The following SS18L1 variants were observed in gnomAD, a reference collection of about 807,000 sequenced individuals.
SS18L1 encodes the protein SS18L1 subunit of BAF chromatin remodeling complex.
SS18L1 carries 32 observed loss-of-function variants against 70.3 expected under a neutral mutation model. The ratio of observed to expected loss-of-function variants is 0.46; its 90% CI spans 0.34 to 0.61. The LOEUF is 0.61. SS18L1 is among the 20% of genes least tolerant of loss of function. The pLI is 0.01. For synonymous variants in SS18L1, 237 were observed against 229.7 expected, an observed-to-expected ratio of 1.03 and a Z score of -0.29; for missense variants, 430 against 542.1, an observed-to-expected ratio of 0.79 and a Z score of 2.05.
In SS18L1 at chr20:62,158,697, T is replaced by A; in HGVS notation, c.95T>A (p.Ile32Asn). 2.5e-6 allele frequency: 4 copies of A among 1,612,772 alleles called. No individual in the cohort carries two copies. The highest frequency in any genetic ancestry group is 3.4e-6 in the Non-Finnish European group (4 of 1,180,016). ...QKMLDENHHL[I>N]QCILEYQSKG... The stretch of plus-strand genomic sequence containing the variant: ...ATGCTGGACGAGAACCACCACCTGA[T>A]CCAGTGCATCCTGGAGTACCAGAGC... The change falls in exon 2 of 11, where the codon ATC becomes AAC. Residue 32 changes from isoleucine (I) to asparagine (N), a missense_variant. Physicochemically the swap from Ile to Asn is moderately radical, Grantham distance 149. Coordinates refer to ENST00000331758, the MANE Select transcript of SS18L1 (RefSeq NM_198935.3). This position sits in a 1 kb window ranked among gnomAD's most constrained non-coding sequence, Gnocchi z 4.5.
intron 1 of SS18L1, among the ~76,000 whole-genome samples, chr20:62,146,474 C>T (rs2057027771): frequency 6.6e-6 from 1 of 152,168 alleles, no homozygotes; most frequent in African/African-American, 2.4e-5. Flanking sequence ...TCTATTCCCT[C>T]ACAGTTCTGG....
rs2057726763 is a variant in SS18L1 at position 62,182,370 on chromosome 20, G to A, written c.*3162G>A. Reference sequence around the variant, plus strand: ...GTCAAATTTGTCTTGTTATTTGTGAGTACAGTACATTTAAAAAACATCCTT... The same window carrying A: ...GTCAAATTTGTCTTGTTATTTGTGAATACAGTACATTTAAAAAACATCCTT... On this transcript the variant is annotated 3_prime_UTR_variant, in exon 11 of 11. Transcript: ENST00000331758. 1 of 205,554 alleles carries A rather than the reference G, an allele frequency of 4.9e-6. No individual in the cohort carries two copies. 12.7% of individuals were successfully genotyped at this position (205,554 alleles called of 1,614,324 possible). A position where few individuals can be genotyped will look rare whatever the true frequency, so the allele number is the denominator to read the frequency against.
intron 7 of SS18L1, 74 bp from the exon 8 acceptor site, chr20:62,165,348 G>C (rs934250696): frequency 4.9e-6 from 7 of 1,424,970 alleles, no homozygotes; most frequent in Non-Finnish European, 5.8e-6. Flanking sequence ...CCCCAGCCTG[G>C]GTCTCAGTTG....
At chr20:62,152,392 A>C (rs1006161303) in intron 1 of SS18L1, among the ~76,000 whole-genome samples, 1 of 152,146 alleles carries the variant, frequency 6.6e-6, no homozygotes, top group African/African-American at 2.4e-5. Context: ...CTCCAGATGG[A>C]GTTGCCACCT....
intron 10 of SS18L1, among the ~76,000 whole-genome samples, chr20:62,178,233 A>G (rs961280680): frequency 2.5e-4 from 30 of 121,876 alleles, no homozygotes; most frequent in Non-Finnish European, 1.7e-5. Context: ...TGCAACCTCC[A>G]CCTCTCAGGC....
chr20:62,175,250 G>A (rs1183798581), intron 10 of SS18L1: 5 of 985,304 alleles, frequency 5.1e-6, no homozygotes, highest in African/African-American at 1.7e-5. Flanking sequence ...CAGCTTGGAA[G>A]ATGGAAGAGC....
At chr20:62,164,320 A>G in intron 7 of SS18L1, 74 bp downstream of exon 7, 2 of 1,213,740 alleles carry the variant, frequency 1.6e-6, no homozygotes, top group African/African-American at 1.5e-5. Context: ...CAAGGAGGGC[A>G]AGGAGGGTGT....
At chr20:62,163,388 G>C in intron 5 of SS18L1, 70 bp from the exon 6 acceptor site, 4 of 1,600,884 alleles carry the variant, frequency 2.5e-6, no homozygotes, top group Non-Finnish European at 3.4e-6. Context: ...GGGCGCAGGA[G>C]GTAGTTGGGT....
Position 62,172,691 on chromosome 20 carries a change from A to G in SS18L1, c.926A>G (p.Gln309Arg). The G allele has an allele frequency of 6.2e-7, 1 of 1,614,146 alleles. No homozygotes were observed. Among genetic ancestry groups the G allele is most frequent in the Non-Finnish European group, 8.5e-7 (1 of 1,180,024 alleles). The change falls in exon 9 of 11, where the codon CAG (glutamine) becomes CGG (arginine). Residue 309 changes from glutamine to arginine, a missense_variant. Gln to Arg is a conservative substitution (Grantham distance 43). Coordinates refer to ENST00000331758, the MANE Select transcript of SS18L1 (RefSeq NM_198935.3). ...CTCCTCCTCCCTCCAGGAAACTCCCAGTACAGCCAGCAGCAGGCCGGGTAC... is the reference window on the plus strand; with the variant it reads ...CTCCTCCTCCCTCCAGGAAACTCCCGGTACAGCCAGCAGCAGGCCGGGTAC... ...TQHYYEGGNS[Q>R]YSQQQAGYQQ...
At position 62,158,954 on chromosome 20, in the gene SS18L1, C is replaced by T. The variant is rs2057275137; in HGVS notation, c.146+206C>T. On this transcript the variant is annotated intron_variant, in intron 2 of 10. Transcript: ENST00000331758. This position sits in a 1 kb window ranked among gnomAD's most constrained non-coding sequence, Gnocchi z 4.5. The stretch of plus-strand genomic sequence containing the variant: ...CCCCCAGCACGGAGGTCAGATATGT[C>T]CCGAGAGTCCCCCAGCACGGAGGCC... 6.4e-7 allele frequency: 1 copy of T among 1,565,966 alleles called. No individual in the cohort carries two copies.
chr20:62,146,085 T>TAA lies in SS18L1; in HGVS notation c.69+2197_69+2198insAA, dbSNP rs1360287056. Among the ~76,000 whole-genome samples, 3 of 152,282 alleles carry TAA rather than the reference T, an allele frequency of 2.0e-5. No homozygotes were observed. The East Asian group carries it at 5.8e-4, about 29-fold the overall frequency. On this transcript the variant is annotated intron_variant, in intron 1 of 10. Coordinates refer to ENST00000331758, the MANE Select transcript of SS18L1 (RefSeq NM_198935.3). ...GAGAAGGAGGTCTACAACTTGTCCT[T>TAA]ACAGCATTCTGCTTGGTAGTGAAGG...
chr20:62,166,027 G>A (rs1213180797), intron 8 of SS18L1, among the ~76,000 whole-genome samples: 1 of 152,216 alleles, frequency 6.6e-6, no homozygotes, highest in Non-Finnish European at 1.5e-5. Flanking sequence ...GTCCTGGGCA[G>A]TGCTGCGCTG....
rs1359664254 is a variant in SS18L1 at position 62,144,123 on chromosome 20, G to T, written c.69+234G>T. ...GAGAGCCTGCGCCAACTTTGTTGGGGCGCGCGGGTCCCTCGGGCCGGGGCA... is the reference window on the plus strand; with the variant it reads ...GAGAGCCTGCGCCAACTTTGTTGGGTCGCGCGGGTCCCTCGGGCCGGGGCA... On this transcript the variant is annotated intron_variant, in intron 1 of 10. Transcript: ENST00000331758. Among the ~76,000 whole-genome samples the T allele has an allele frequency of 2.7e-5, 4 of 150,890 alleles. No homozygotes were observed. The East Asian group carries it at 7.8e-4, about 29-fold the overall frequency.
At chr20:62,155,564 G>T (rs1326025790) in intron 1 of SS18L1, among the ~76,000 whole-genome samples, 1 of 151,952 alleles carries the variant, frequency 6.6e-6, no homozygotes, top group Non-Finnish European at 1.5e-5. Context: ...GGCACTGCCT[G>T]CTATGCTCAG....
chr20:62,178,811 C>T lies in SS18L1; in HGVS notation c.1165-371C>T, dbSNP rs187748915. ...TGAAACCCATCACCCTGGTCGTCCC[C>T]GCTCCCATTTTCTTACTGTAGCAGG... On this transcript the variant is annotated intron_variant, in intron 10 of 10. Coordinates refer to ENST00000331758, the MANE Select transcript of SS18L1 (RefSeq NM_198935.3). Among the ~76,000 whole-genome samples the T allele has an allele frequency of 1.3e-4, 20 of 152,308 alleles. No individual in the cohort carries two copies. In the East Asian group the frequency reaches 2.7e-3, roughly 21 times the overall value.
chr20:62,152,642 G>A (rs181314751), intron 1 of SS18L1, among the ~76,000 whole-genome samples: 15 of 151,404 alleles, frequency 9.9e-5, no homozygotes, highest in South Asian at 2.1e-4. Context: ...GCTCCAGGCC[G>A]CGTGAATGGC....
At chr20:62,151,549 GC>G (rs1401795789) in intron 1 of SS18L1, among the ~76,000 whole-genome samples, 1 of 152,150 alleles carries the variant, frequency 6.6e-6, no homozygotes, top group Non-Finnish European at 1.5e-5. Context: ...GGAGTGGGAG[GC>G]CCAGGTGTCC....
rs1194780460 is a variant in SS18L1, at chr20:62,174,006, G to A, written c.1037-511G>A. On this transcript the variant is annotated intron_variant, in intron 9 of 10. Transcript: ENST00000331758. The surrounding 1 kb of genome is among the most constrained non-coding windows in gnomAD (Gnocchi z 4.1). The stretch of plus-strand genomic sequence containing the variant: ...TCCAGCCTGGCTTGGGTGACAGAGT[G>A]ACACCCTGCCTAAAAAAAAAAAAAA... Among the ~76,000 whole-genome samples, 1 of 149,924 alleles carries A rather than the reference G, an allele frequency of 6.7e-6. No individual in the cohort carries two copies. Among genetic ancestry groups the A allele is most frequent in the African/African-American group, 2.5e-5 (1 of 40,644 alleles).
chr20:62,149,467 A>C (rs965213965), intron 1 of SS18L1, among the ~76,000 whole-genome samples: 5 of 152,198 alleles, frequency 3.3e-5, no homozygotes, highest in African/African-American at 4.8e-5. Context: ...ATCCTCCTCA[A>C]ATGGGAAATA....
Sources: gnomAD v4.1 joint callset for allele counts (sites outside exome capture counted in the v4.1 genomes callset) on GRCh38, gnomAD v4.1.1 for gene constraint, Gnocchi (gnomAD v3.1) non-coding constraint, MANE v1.5 for transcripts, NCBI Gene and HGNC (gene_info 2026-07-23, HGNC 2026-07-21) for gene names.